MCOLN2: variants seen among roughly 807,000 people sequenced by gnomAD.
The protein encoded by MCOLN2 is mucolipin-2.
In MCOLN2, 57 loss-of-function variants were observed where a neutral mutation model predicts 67.5. The observed-to-expected ratio is 0.84, with a 90% CI of 0.68 to 1.05. The LOEUF (loss-of-function observed/expected upper bound fraction) is 1.05. Among genes scored for constraint, MCOLN2 ranks in the 50% least tolerant of loss-of-function variants. The probability of loss-of-function intolerance (pLI) is 0.00; values close to 1 mark genes in which losing one functional copy is unlikely to be tolerated. For synonymous variants in MCOLN2, 246 were observed against 233.3 expected, an observed-to-expected ratio of 1.05 and a Z score of -0.50; for missense variants, 620 against 678.8, an observed-to-expected ratio of 0.91 and a Z score of 0.96.
chr1:84,931,500 G>T lies in MCOLN2; in HGVS notation c.1404C>A (p.Thr468=). The T allele has an allele frequency of 6.2e-7, 1 of 1,613,992 alleles. No individual in the cohort carries two copies. Among genetic ancestry groups the T allele is most frequent in the Non-Finnish European group, 8.5e-7 (1 of 1,179,950 alleles). ...TGCTCTTCTGCTGGATTTGGGCAAA[G>T]GTTGCAAACATGTCATCACCGTTGA... ...SLVNGDDMFA[T]FAQIQQKSIL... is the part of the protein sequence containing the mutation. Residue 468 remains threonine (T), a synonymous_variant, in exon 12 of 14, where the codon ACC becomes ACA. Transcript: ENST00000370608.
At chr1:84,951,630 C>T (rs998400715) in intron 6 of MCOLN2, among the ~76,000 whole-genome samples, 1 of 152,210 alleles carries the variant, frequency 6.6e-6, no homozygotes, top group Non-Finnish European at 1.5e-5. Context: ...ATGTAAAACA[C>T]CTTCATAAAC....
At chr1:84,982,097 A>T (rs1239700028) in intron 1 of MCOLN2, among the ~76,000 whole-genome samples, 1 of 143,512 alleles carries the variant, frequency 7.0e-6, no homozygotes, top group Non-Finnish European at 1.5e-5. Context: ...TAAAAAAAAG[A>T]TGAAAAGTGT....
intron 11 of MCOLN2, among the ~76,000 whole-genome samples, chr1:84,934,532 A>G (rs1437119440): frequency 1.3e-5 from 2 of 152,070 alleles, no homozygotes; most frequent in Non-Finnish European, 2.9e-5. Flanking sequence ...GCTGAGGGGT[A>G]CTTGGCTAAA....
chr1:84,945,372 C>T (rs372550869), intron 7 of MCOLN2, among the ~76,000 whole-genome samples: 21 of 152,164 alleles, frequency 1.4e-4, no homozygotes, highest in African/African-American at 4.1e-4. Flanking sequence ...CTGATCTCTG[C>T]GTATCTGTAA....
rs1003607805 is a variant in MCOLN2 at position 84,965,269 on chromosome 1, A to C, written c.237+280T>G. Among the ~76,000 whole-genome samples the C allele has an allele frequency of 2.0e-5, 3 of 152,310 alleles. 1 individual carries two copies. The highest frequency in any genetic ancestry group is 2.0e-4 in the Admixed American group (3 of 15,294). ...TGTGTTTAATAGAGAGTTCCAGAAC[A>C]CAAATGTGTGTCACTCAGATATAGA... On this transcript the variant is annotated intron_variant, in intron 2 of 13. Coordinates refer to ENST00000370608, the MANE Select transcript of MCOLN2 (RefSeq NM_153259.4).
chr1:84,972,428 GTA>G (rs1328786318), intron 1 of MCOLN2, among the ~76,000 whole-genome samples: 1 of 152,138 alleles, frequency 6.6e-6, no homozygotes, highest in African/African-American at 2.4e-5. Context: ...AAAAAGCATA[GTA>G]TTTGAAGGCA....
At chr1:84,983,591 TATTA>T (rs1251112070) in intron 1 of MCOLN2, among the ~76,000 whole-genome samples, 1 of 151,352 alleles carries the variant, frequency 6.6e-6, no homozygotes, top group Non-Finnish European at 1.5e-5. Context: ...TTAAATGAAT[TATTA>T]ATAAACCCCA....
chr1:84,946,800 C>T (rs1648136904), intron 7 of MCOLN2, among the ~76,000 whole-genome samples: 1 of 152,154 alleles, frequency 6.6e-6, no homozygotes, highest in Non-Finnish European at 1.5e-5. Context: ...AATCTGGCTC[C>T]AGAGCTAAGC....
chr1:84,962,284 G>T (rs775982796), intron 2 of MCOLN2, among the ~76,000 whole-genome samples: 6 of 152,202 alleles, frequency 3.9e-5, no homozygotes, highest in Admixed American at 2.0e-4. Context: ...AGTGGCTCAT[G>T]CCTGTAATCC....
intron 2 of MCOLN2, 130 bp downstream of exon 2, chr1:84,965,419 G>C (rs924109608): frequency 1.1e-6 from 1 of 921,226 alleles, no homozygotes; most frequent in Non-Finnish European, 1.6e-6. Flanking sequence ...CTGCTCTCCA[G>C]AGTCAATATA....
intron 7 of MCOLN2, among the ~76,000 whole-genome samples, chr1:84,942,659 C>G (rs1647858800): frequency 6.6e-6 from 1 of 152,138 alleles, no homozygotes; most frequent in South Asian, 2.1e-4. Context: ...TTACTTGTCT[C>G]CTCCAAAACT....
chr1:84,983,985 T>C lies in MCOLN2; in HGVS notation c.77+12811A>G, dbSNP rs143798935. On this transcript the variant is annotated intron_variant, in intron 1 of 13. Transcript: ENST00000370608. ...CACTGCGCCCAGCCCTACTTTAAAA[T>C]TTCTAAATAATACTTATGCCACTAT... 1.1e-3 allele frequency among the ~76,000 whole-genome samples: 160 copies of C among 152,332 alleles called. 1 individual carries two copies. The highest frequency in any genetic ancestry group is 3.8e-3 in the African/African-American group (156 of 41,582).
intron 1 of MCOLN2, among the ~76,000 whole-genome samples, chr1:84,971,204 T>C (rs900978501): frequency 1.3e-5 from 2 of 152,062 alleles, no homozygotes; most frequent in African/African-American, 2.4e-5. Flanking sequence ...TACAAGCTAG[T>C]ACTAGTCAAC....
intron 1 of MCOLN2, among the ~76,000 whole-genome samples, chr1:84,989,871 T>C (rs1650797995): frequency 6.6e-6 from 1 of 152,170 alleles, no homozygotes; most frequent in Non-Finnish European, 1.5e-5. Context: ...CATTGAACAA[T>C]AAAAATTTAC....
At chr1:84,994,990 T>C (rs917153625) in intron 1 of MCOLN2, among the ~76,000 whole-genome samples, 1 of 152,128 alleles carries the variant, frequency 6.6e-6, no homozygotes, top group African/African-American at 2.4e-5. Flanking sequence ...ATTTCAATAT[T>C]GTGGTGTCTC....
rs550358659 is a variant in MCOLN2 at position 84,987,569 on chromosome 1, G to T, written c.77+9227C>A. Among the ~76,000 whole-genome samples, 159 of 76,148 alleles carry T rather than the reference G, an allele frequency of 2.1e-3. 11 individuals are homozygous for T. Among genetic ancestry groups the T allele is most frequent in the Middle Eastern group, 0.018 (1 of 56 alleles). The allele number at this position is 76,148 out of a possible 152,430, so 50.0% of individuals were successfully genotyped here. ...AGATGTATACATCTATGTATACATA[G>T]ATGTATACATAGATATATACATATG... On this transcript the variant is annotated intron_variant, in intron 1 of 13. Transcript: ENST00000370608.
chr1:84,936,768 A>T (rs184869502), intron 11 of MCOLN2, among the ~76,000 whole-genome samples: 2 of 152,260 alleles, frequency 1.3e-5, no homozygotes, highest in Non-Finnish European at 1.5e-5. Flanking sequence ...CATGTATAAC[A>T]GTTTGTAAAC....
At chr1:84,936,575 G>A (rs1390733134) in intron 11 of MCOLN2, among the ~76,000 whole-genome samples, 2 of 152,102 alleles carry the variant, frequency 1.3e-5, no homozygotes, top group Admixed American at 6.5e-5. Context: ...AGTATGAAGA[G>A]CAATATTATC....
At chr1:84,978,324 T>C (rs886603607) in intron 1 of MCOLN2, among the ~76,000 whole-genome samples, 3 of 151,680 alleles carry the variant, frequency 2.0e-5, no homozygotes, top group Admixed American at 1.3e-4. Context: ...ATACATCTTA[T>C]AGAACTAGAA....
Sources: allele counts gnomAD v4.1 joint callset (sites outside exome capture counted in the v4.1 genomes callset), GRCh38; gene constraint gnomAD v4.1.1; transcripts MANE v1.5; gene names NCBI Gene and HGNC (gene_info 2026-07-23, HGNC 2026-07-21).